GRB10: variants seen among roughly 807,000 people sequenced by gnomAD.
The protein encoded by GRB10 is growth factor receptor-bound protein 10.
In GRB10, 20 loss-of-function variants were observed where a neutral mutation model predicts 80.9. That is an observed-to-expected ratio of 0.25 (90% CI 0.17 to 0.36). GRB10 has a LOEUF of 0.36. Ranked by LOEUF, GRB10 falls within the 10% of genes least tolerant of loss-of-function variation. The pLI, the probability that GRB10 is intolerant of heterozygous loss-of-function variation, is 1.00. For synonymous variants in GRB10, 291 were observed against 291.5 expected (o/e 1.00, Z 0.02); for missense variants, 548 against 747.7 (o/e 0.73, Z 3.12).
intron 2 of GRB10, among the ~76,000 whole-genome samples, chr7:50,777,838 T>G (rs1229049102): frequency 6.6e-6 from 1 of 152,116 alleles, no homozygotes; most frequent in Non-Finnish European, 1.5e-5. Context: ...CACTGCATGT[T>G]CTCACTCATA....
At chr7:50,605,476 A>G (rs2048363786) in intron 14 of GRB10, 70 bp from the exon 15 acceptor site, 1 of 1,232,186 alleles carries the variant, frequency 8.1e-7, no homozygotes, top group South Asian at 1.2e-5. Flanking sequence ...GCATGAAACT[A>G]TCATCAAGAC....
At chr7:50,675,381 G>A (rs903925135) in intron 5 of GRB10, among the ~76,000 whole-genome samples, 1 of 152,244 alleles carries the variant, frequency 6.6e-6, no homozygotes, top group African/African-American at 2.4e-5. Context: ...GAATGAGCAC[G>A]CAGAGACAGT....
At chr7:50,743,993 T>C (rs1055527828) in intron 3 of GRB10, among the ~76,000 whole-genome samples, 2 of 152,048 alleles carry the variant, frequency 1.3e-5, no homozygotes, top group African/African-American at 4.8e-5. Flanking sequence ...ACACCAATTT[T>C]CTAGCCCTGA....
intron 18 of GRB10, among the ~76,000 whole-genome samples, chr7:50,593,907 C>A (rs2046185599): frequency 6.6e-6 from 1 of 152,150 alleles, no homozygotes; most frequent in African/African-American, 2.4e-5. Flanking sequence ...CCCTAAGTCC[C>A]AAGTTGCTGT....
chr7:50,666,162 GC>G, intron 7 of GRB10, among the ~76,000 whole-genome samples: 1 of 152,194 alleles, frequency 6.6e-6, no homozygotes, highest in Non-Finnish European at 1.5e-5. Context: ...GCACATGCCT[GC>G]CACGTCTTAG....
chr7:50,624,194 C>T (rs2052442266), intron 8 of GRB10, among the ~76,000 whole-genome samples: 1 of 152,162 alleles, frequency 6.6e-6, no homozygotes, highest in Admixed American at 6.5e-5. Flanking sequence ...ATGTACACAT[C>T]CCTGTGAGAA....
rs183698365 is a variant in GRB10, at chr7:50,648,910, G to A, written c.504+20812C>T. 2.4e-3 allele frequency among the ~76,000 whole-genome samples: 367 copies of A among 152,248 alleles called. 1 individual carries two copies. The highest frequency in any genetic ancestry group is 6.6e-3 in the South Asian group (32 of 4,814). On this transcript the variant is annotated intron_variant, in intron 7 of 18. Coordinates refer to ENST00000401949, the MANE Select transcript of GRB10 (RefSeq NM_001350814.2). ...GGCCTCAGACCTACTCAATGTGGTC[G>A]GGCTAGCTCCTGATGGATGCATTGG...
rs1463043460 is a variant in GRB10, at chr7:50,612,675, C to T, written c.1194+66G>A. The T allele has an allele frequency of 2.9e-6, 3 of 1,033,138 alleles. No individual in the cohort carries two copies. In the East Asian group the frequency reaches 7.2e-5, roughly 25 times the overall value. The allele number at this position is 1,033,138 out of a possible 1,614,324, so 64.0% of individuals were successfully genotyped here. On this transcript the variant is annotated intron_variant, in intron 13 of 18. Coordinates refer to ENST00000401949, the MANE Select transcript of GRB10 (RefSeq NM_001350814.2). The stretch of plus-strand genomic sequence containing the variant: ...AGCATTTTCCTGCCAGAATAGACAT[C>T]AAGTCCAGAGGCCAATTTTCCACGA...
chr7:50,667,042 CAAAAA>C (rs777580027), intron 7 of GRB10, among the ~76,000 whole-genome samples: 1 of 108,148 alleles, frequency 9.2e-6, no homozygotes, highest in Non-Finnish European at 1.8e-5. Flanking sequence ...GACTCTGTCT[CAAAAA>C]AAAAAAAAAA....
rs2045830322 is a variant in GRB10, at chr7:50,591,394, T to G, written c.*1558A>C. ...TGCTGTTCCTTAGGGAACACTTCAG[T>G]GGGGCGGATTTGGGGCAATATCATG... On this transcript the variant is annotated 3_prime_UTR_variant, in exon 19 of 19. Transcript: ENST00000401949. 1 of 152,234 alleles carries G rather than the reference T, an allele frequency of 6.6e-6. No individual in the cohort carries two copies. Among genetic ancestry groups the G allele is most frequent in the East Asian group, 1.9e-4 (1 of 5,188 alleles). The allele number at this position is 152,234 out of a possible 1,614,324, so 9.4% of individuals were successfully genotyped here.
chr7:50,636,903 A>C (rs1157387805), intron 7 of GRB10, among the ~76,000 whole-genome samples: 1 of 152,238 alleles, frequency 6.6e-6, no homozygotes, highest in Non-Finnish European at 1.5e-5. Context: ...AAGAGAAAGA[A>C]ATAAAAGGTA....
intron 5 of GRB10, among the ~76,000 whole-genome samples, chr7:50,687,089 G>A (rs139534454): frequency 9.9e-5 from 15 of 152,266 alleles, no homozygotes; most frequent in African/African-American, 3.6e-4. Context: ...TCAATCAAGC[G>A]GTAGAATTTT....
At chr7:50,759,192 C>CAAAAAA (rs57526722) in intron 2 of GRB10, among the ~76,000 whole-genome samples, 3 of 113,608 alleles carry the variant, frequency 2.6e-5, no homozygotes, top group African/African-American at 3.7e-5. Flanking sequence ...GACTCTGCCT[C>CAAAAAA]AAAAAAAAAA....
chr7:50,763,208 T>G (rs551483808), intron 2 of GRB10, among the ~76,000 whole-genome samples: 3 of 151,158 alleles, frequency 2.0e-5, no homozygotes, highest in African/African-American at 7.3e-5. Context: ...AAATAAGAGA[T>G]AGGATGTAAG....
chr7:50,658,816 C>G (rs1205044742), intron 7 of GRB10, among the ~76,000 whole-genome samples: 1 of 152,226 alleles, frequency 6.6e-6, no homozygotes, highest in African/African-American at 2.4e-5. Flanking sequence ...AACAAGTGGT[C>G]TGCTCCAGGT....
chr7:50,600,562 G>C (rs2047427750), intron 17 of GRB10, among the ~76,000 whole-genome samples: 1 of 152,102 alleles, frequency 6.6e-6, no homozygotes, highest in Admixed American at 6.6e-5. Context: ...GCAGAGAGCA[G>C]GAAGGAAGGA....
intron 11 of GRB10, among the ~76,000 whole-genome samples, chr7:50,615,349 C>A (rs1344597119): frequency 6.6e-6 from 1 of 152,164 alleles, no homozygotes; most frequent in Non-Finnish European, 1.5e-5. Flanking sequence ...TACGAAATAC[C>A]CTCCCAACTT....
At chr7:50,755,316 G>A (rs1336518275) in intron 3 of GRB10, among the ~76,000 whole-genome samples, 1 of 152,164 alleles carries the variant, frequency 6.6e-6, no homozygotes, top group Non-Finnish European at 1.5e-5. Flanking sequence ...CCCAGAAAGG[G>A]CCACCTGAGG....
chr7:50,652,680 C>T lies in GRB10; in HGVS notation c.504+17042G>A, dbSNP rs138838023. ...GCTGCTTGCTAACAACCAAGCCCTC[C>T]GATCAAATACCTGAAAATCTTAATA... On this transcript the variant is annotated intron_variant, in intron 7 of 18. Transcript: ENST00000401949. Among the ~76,000 whole-genome samples the T allele has an allele frequency of 6.0e-3, 910 of 152,276 alleles. 9 individuals carry two copies. Among genetic ancestry groups the T allele is most frequent in the African/African-American group, 0.02 (828 of 41,550 alleles).
Sources: allele counts gnomAD v4.1 joint callset (sites outside exome capture counted in the v4.1 genomes callset), GRCh38; gene constraint gnomAD v4.1.1; transcripts MANE v1.5; gene names NCBI Gene and HGNC (gene_info 2026-07-23, HGNC 2026-07-21).